KLHL13: variants seen among roughly 807,000 people sequenced by gnomAD.
The protein encoded by KLHL13 is kelch-like protein 13.
In KLHL13, 10 loss-of-function variants were observed where a neutral mutation model predicts 37.1. That is an observed-to-expected ratio of 0.27 (90% CI 0.17 to 0.46). The LOEUF (loss-of-function observed/expected upper bound fraction) is 0.46, where lower values mean the gene tolerates loss of function less well. Ranked by LOEUF, KLHL13 falls within the 20% of genes least tolerant of loss-of-function variation. KLHL13 has a pLI of 1.00. For missense variants in KLHL13, 360 were observed against 509.3 expected, an observed-to-expected ratio of 0.71 and a Z score of 2.82; for synonymous variants, 163 against 181.2, an observed-to-expected ratio of 0.90 and a Z score of 0.81.
At chrX:117,978,239 TACAA>T (rs1397077157), upstream of KLHL13, among the ~76,000 whole-genome samples, 6 of 112,218 alleles carry the variant, frequency 5.3e-5, no homozygotes, top group African/African-American at 1.3e-4. Flanking sequence ...CATCAAACAA[TACAA>T]ACAATGTTAT....
chrX:118,080,655 G>C (rs1287529321), intron 1 of KLHL13, among the ~76,000 whole-genome samples: 1 of 112,222 alleles, frequency 8.9e-6, no homozygotes, highest in Admixed American at 9.5e-5. Flanking sequence ...CTTATACACT[G>C]TTGGTGGGAA....
At chrX:117,986,539 A>C (rs1162573849) in intron 1 of KLHL13, among the ~76,000 whole-genome samples, 9 of 111,859 alleles carry the variant, frequency 8.0e-5, no homozygotes, top group Non-Finnish European at 1.3e-4. Flanking sequence ...TAAGCCTAGC[A>C]CTAAGAACTC....
upstream of KLHL13, among the ~76,000 whole-genome samples, chrX:117,975,146 C>T (rs2053581748): frequency 9.2e-6 from 1 of 108,730 alleles, no homozygotes; most frequent in African/African-American, 3.4e-5. Context: ...GCAGGGGCAA[C>T]TTGTTTGAAA....
chrX:117,967,409 C>T (rs16994947), intron 1 of KLHL13, among the ~76,000 whole-genome samples: 5,984 of 110,728 alleles, frequency 0.054, 402 homozygotes, highest in African/African-American at 0.18. Flanking sequence ...TCTTTCTCAT[C>T]GCTCCGTCTC....
chrX:118,017,182 T>C (rs1467120694), intron 1 of KLHL13, among the ~76,000 whole-genome samples: 3 of 111,382 alleles, frequency 2.7e-5, no homozygotes, highest in Non-Finnish European at 5.7e-5. Context: ...CTCTTTAGCA[T>C]AAACATAAAA....
intron 1 of KLHL13, among the ~76,000 whole-genome samples, chrX:118,018,618 A>G (rs1405877186): frequency 9.0e-6 from 1 of 111,616 alleles, no homozygotes; most frequent in Non-Finnish European, 1.9e-5. Context: ...ATCTCTTCTT[A>G]GCATTCAGTC....
intron 1 of KLHL13, among the ~76,000 whole-genome samples, chrX:117,951,268 C>A (rs1490961791): frequency 9.0e-6 from 1 of 111,504 alleles, no homozygotes. Context: ...AAATTAAAAA[C>A]TTAAAATTTC....
At chrX:118,050,872 G>C (rs961517197) in intron 1 of KLHL13, among the ~76,000 whole-genome samples, 2 of 112,115 alleles carry the variant, frequency 1.8e-5, no homozygotes, top group African/African-American at 3.2e-5. Context: ...TCAGAGTTTG[G>C]AGACATGTGA....
intron 1 of KLHL13, among the ~76,000 whole-genome samples, chrX:118,052,673 A>C (rs79266639): frequency 9.1e-6 from 1 of 109,901 alleles, no homozygotes; most frequent in African/African-American, 3.3e-5. Flanking sequence ...TAAAAAAAAA[A>C]CAAAATACAA....
At position 117,984,983 on chromosome X, in the gene KLHL13, A is replaced by T. The variant is rs2053707211; in HGVS notation, c.-55-39408T>A. On this transcript the variant is annotated intron_variant, in intron 1 of 6. Coordinates refer to the KLHL13 transcript ENST00000371882. ...GTATATATAGATATTTCTTACCTGCATTACATTTAAGCTATATAAATAAAT... is the reference window on the plus strand; with the variant it reads ...GTATATATAGATATTTCTTACCTGCTTTACATTTAAGCTATATAAATAAAT... 2.7e-5 allele frequency among the ~76,000 whole-genome samples: 3 copies of T among 110,621 alleles called. No homozygotes were observed. The South Asian group carries it at 1.2e-3, about 42-fold the overall frequency.
intron 1 of KLHL13, among the ~76,000 whole-genome samples, chrX:117,993,479 T>C (rs2053817656): frequency 9.0e-6 from 1 of 111,670 alleles, no homozygotes; most frequent in African/African-American, 3.3e-5. Context: ...ACATCCCCAT[T>C]TTACAGAAGA....
chrX:118,070,312 T>C (rs907202677), intron 1 of KLHL13, among the ~76,000 whole-genome samples: 2 of 112,789 alleles, frequency 1.8e-5, no homozygotes, highest in African/African-American at 3.2e-5. Flanking sequence ...GCAGTGTTTG[T>C]TATTGCTCAG....
Position 118,070,291 on chromosome X carries a change from C to A in KLHL13, c.-56+46217G>T, listed in dbSNP as rs137928320. On this transcript the variant is annotated intron_variant, in intron 1 of 6. Transcript: ENST00000371882. ...AGTTTTGCTTACGCTGCACCTCACA[C>A]GTTTTGCTATGCAGTGTTTGTTATT... Among the ~76,000 whole-genome samples the A allele has an allele frequency of 8.9e-3, 1,003 of 112,577 alleles. 15 individuals carry two copies. The highest frequency in any genetic ancestry group is 0.03 in the African/African-American group (929 of 31,012).
chrX:117,923,977 T>G (rs1931865371), intron 2 of KLHL13, among the ~76,000 whole-genome samples: 1 of 112,211 alleles, frequency 8.9e-6, no homozygotes, highest in African/African-American at 3.2e-5. Context: ...TTAATGTATC[T>G]ACCTTTGGCA....
intron 1 of KLHL13, among the ~76,000 whole-genome samples, chrX:117,966,788 G>T (rs757504449): frequency 3.0e-4 from 33 of 111,361 alleles, no homozygotes; most frequent in Admixed American, 1.4e-3. Flanking sequence ...TTGACAAACC[G>T]GAGAAAAACA....
At chrX:117,902,599 C>A (rs1478209698) in intron 5 of KLHL13, among the ~76,000 whole-genome samples, 1 of 111,641 alleles carries the variant, frequency 9.0e-6, no homozygotes, top group Non-Finnish European at 1.9e-5. Flanking sequence ...TACTTCCTGT[C>A]AGTAATGTAT....
chrX:118,079,799 T>A (rs1377805168), intron 1 of KLHL13, among the ~76,000 whole-genome samples: 1 of 111,558 alleles, frequency 9.0e-6, no homozygotes, highest in East Asian at 2.8e-4. Flanking sequence ...TATTCTAAAA[T>A]TCATATGGAA....
At chrX:118,046,505 A>C (rs1376283841) in intron 1 of KLHL13, among the ~76,000 whole-genome samples, 1 of 111,925 alleles carries the variant, frequency 8.9e-6, no homozygotes, top group Non-Finnish European at 1.9e-5. Context: ...TATAGTTAAT[A>C]ACAACTTAGT....
intron 1 of KLHL13, among the ~76,000 whole-genome samples, chrX:118,053,834 AGAGAGAGAGAGAGAG>A (rs1434058091): frequency 1.5e-4 from 6 of 39,832 alleles, no homozygotes; most frequent in Admixed American, 3.8e-4. Flanking sequence ...GGAGAGAGAG[AGAGAGAGAGAGAGAG>A]GAGAGAGAGA....
Sources: gnomAD v4.1 joint callset for allele counts (sites outside exome capture counted in the v4.1 genomes callset) on GRCh38, gnomAD v4.1.1 for gene constraint, MANE v1.5 for transcripts, NCBI Gene and HGNC (gene_info 2026-07-23, HGNC 2026-07-21) for gene names.